The following ZNF487 variants were observed in gnomAD, a reference collection of about 807,000 sequenced individuals.
ZNF487 encodes the protein KRAB domain only 1.
ZNF487 carries 4 observed loss-of-function variants against 3.0 expected under a neutral mutation model. The observed-to-expected ratio is 1.35, with a 90% CI of 0.66 to 3.08. The LOEUF (loss-of-function observed/expected upper bound fraction) is 3.08, where lower values mean the gene tolerates loss of function less well. ZNF487 is among the 30% of genes most tolerant of loss of function. The probability of loss-of-function intolerance (pLI) is 0.01; values close to 1 mark genes in which losing one functional copy is unlikely to be tolerated. For missense variants in ZNF487, 146 were observed against 98.7 expected, an observed-to-expected ratio of 1.48 and a Z score of -2.03; for synonymous variants, 55 against 34.6, an observed-to-expected ratio of 1.59 and a Z score of -2.06.
At chr10:43,480,043 CTT>C (rs55737452) in intron 3 of ZNF487, among the ~76,000 whole-genome samples, 3 of 48,686 alleles carry the variant, frequency 6.2e-5, no homozygotes, top group Non-Finnish European at 1.6e-4. Context: ...TTCTTTCTTT[CTT>C]TTTCTTTCTT....
the ZNF487 span, among the ~76,000 whole-genome samples, chr10:43,501,943 T>C: frequency 6.6e-6 from 1 of 152,114 alleles, no homozygotes; most frequent in Non-Finnish European, 1.5e-5. Flanking sequence ...TACAAAACAT[T>C]GTTGAAAGAA....
At chr10:43,494,431 G>T in the ZNF487 span, among the ~76,000 whole-genome samples, 1 of 152,206 alleles carries the variant, frequency 6.6e-6, no homozygotes, top group Admixed American at 6.5e-5. Flanking sequence ...AACTCCTGCC[G>T]GTTCTTACAC....
chr10:43,522,238 C>T, the ZNF487 span, among the ~76,000 whole-genome samples: 2 of 152,130 alleles, frequency 1.3e-5, no homozygotes, highest in Non-Finnish European at 2.9e-5. Flanking sequence ...AAAGAAGAGC[C>T]AGGCAAAGTG....
At chr10:43,504,706 G>GTGT in the ZNF487 span, among the ~76,000 whole-genome samples, 1 of 119,522 alleles carries the variant, frequency 8.4e-6, no homozygotes, top group East Asian at 3.1e-4. Flanking sequence ...ACTCTAGTTT[G>GTGT]TGTTGTTGTT....
At chr10:43,490,666 C>A in the ZNF487 span, among the ~76,000 whole-genome samples, 2 of 145,602 alleles carry the variant, frequency 1.4e-5, no homozygotes, top group Non-Finnish European at 3.0e-5. Flanking sequence ...CCCGCCACCA[C>A]GCCTGGCTAA....
At chr10:43,501,824 C>T in the ZNF487 span, among the ~76,000 whole-genome samples, 1 of 151,702 alleles carries the variant, frequency 6.6e-6, no homozygotes, top group African/African-American at 2.4e-5. Context: ...CTTGCTCTGC[C>T]ACTCAGGCTG....
At chr10:43,439,468 C>T (rs1160329654) in intron 1 of ZNF487, among the ~76,000 whole-genome samples, 1 of 151,878 alleles carries the variant, frequency 6.6e-6, no homozygotes, top group African/African-American at 2.4e-5. Context: ...TTGGGGAGGC[C>T]GAGGAGGGCA....
At chr10:43,449,857 A>G (rs892070551) in intron 1 of ZNF487, among the ~76,000 whole-genome samples, 2 of 151,552 alleles carry the variant, frequency 1.3e-5, no homozygotes, top group African/African-American at 4.9e-5. Context: ...TTTTTGTATT[A>G]TTAGTAGAGA....
chr10:43,468,197 C>G (rs763038762), intron 1 of ZNF487, among the ~76,000 whole-genome samples: 4 of 152,142 alleles, frequency 2.6e-5, no homozygotes, highest in African/African-American at 7.2e-5. Context: ...AAAATTGTTT[C>G]TTGTGATGTA....
intron 3 of ZNF487, 72 bp downstream of exon 3, chr10:43,476,274 T>C (rs1841098786): frequency 1.5e-6 from 1 of 660,248 alleles, no homozygotes; most frequent in Admixed American, 2.6e-5. Context: ...CTTCACATAT[T>C]GACATCTTTG....
intron 1 of ZNF487, among the ~76,000 whole-genome samples, chr10:43,473,725 A>G (rs1840990222): frequency 6.6e-6 from 1 of 151,832 alleles, no homozygotes; most frequent in African/African-American, 2.4e-5. Flanking sequence ...TATAAAAGCA[A>G]CTTAAGTACA....
chr10:43,487,437 C>T (rs916442085), downstream of ZNF487, among the ~76,000 whole-genome samples: 1 of 151,324 alleles, frequency 6.6e-6, no homozygotes, highest in African/African-American at 2.4e-5. Context: ...CCGTGCCCGG[C>T]CCAGAAACAT....
At chr10:43,498,274 A>AT in the ZNF487 span, among the ~76,000 whole-genome samples, 294 of 103,072 alleles carry the variant, frequency 2.9e-3, 11 homozygotes, top group African/African-American at 0.011. Flanking sequence ...ATATATATAT[A>AT]TTTTTTTCTT....
the ZNF487 span, among the ~76,000 whole-genome samples, chr10:43,521,584 G>A: frequency 4.6e-5 from 7 of 152,144 alleles, no homozygotes; most frequent in African/African-American, 1.7e-4. Context: ...TGTGTGCTGG[G>A]TGACTGAAGT....
At chr10:43,456,795 G>A (rs965266906) in intron 1 of ZNF487, among the ~76,000 whole-genome samples, 1 of 152,096 alleles carries the variant, frequency 6.6e-6, no homozygotes, top group African/African-American at 2.4e-5. Flanking sequence ...TGGCCAGGCT[G>A]GTCTTGAACT....
chr10:43,439,737 A>G (rs954045842), intron 1 of ZNF487, among the ~76,000 whole-genome samples: 2 of 152,072 alleles, frequency 1.3e-5, no homozygotes, highest in Non-Finnish European at 2.9e-5. Context: ...TAAAAAAGAA[A>G]ATGTCATATG....
Position 43,461,495 on chromosome 10 carries a change from A to AT in ZNF487, c.-93-14218dup, listed in dbSNP as rs1347994279. Among the ~76,000 whole-genome samples the AT allele has an allele frequency of 8.6e-5, 13 of 150,876 alleles. 1 individual carries two copies. The highest frequency in any genetic ancestry group is 6.8e-3 in the Middle Eastern group (2 of 294). Reference sequence around the variant, plus strand: ...CCATAATGCCTGGTTACTTTTTTGTATTTTTTTTAGAGATGGTGTTTTGCT... The same window carrying AT: ...CCATAATGCCTGGTTACTTTTTTGTATTTTTTTTTAGAGATGGTGTTTTGCT... On this transcript the variant is annotated intron_variant, in intron 1 of 3. Coordinates refer to ENST00000437590, the MANE Select transcript of ZNF487 (RefSeq NM_001355444.3).
At chr10:43,467,753 G>T (rs1293212385) in intron 1 of ZNF487, among the ~76,000 whole-genome samples, 1 of 151,178 alleles carries the variant, frequency 6.6e-6, no homozygotes, top group Admixed American at 6.6e-5. Flanking sequence ...GGAGGCAGAG[G>T]TTGCAGTGAG....
chr10:43,502,058 A>C, the ZNF487 span, among the ~76,000 whole-genome samples: 98,921 of 152,006 alleles, frequency 0.65, 33,995 homozygotes, highest in Non-Finnish European at 0.76. Context: ...ATTATAAATC[A>C]TGCTGCTATA....
Sources: allele counts gnomAD v4.1 joint callset (sites outside exome capture counted in the v4.1 genomes callset), GRCh38; gene constraint gnomAD v4.1.1; transcripts MANE v1.5; gene names NCBI Gene and HGNC (gene_info 2026-07-23, HGNC 2026-07-21).